Variants in PDE7B observed in about 807,000 individuals in gnomAD.
PDE7B encodes the protein 3',5'-cyclic-AMP phosphodiesterase 7B.
In PDE7B, 29 loss-of-function variants were observed where a neutral mutation model predicts 56.2. The ratio of observed to expected loss-of-function variants is 0.52; its 90% CI spans 0.38 to 0.70. The LOEUF (loss-of-function observed/expected upper bound fraction) is 0.70. PDE7B is among the 30% of genes least tolerant of loss of function. The probability of loss-of-function intolerance (pLI) is 0.00; values close to 1 mark genes in which losing one functional copy is unlikely to be tolerated. For missense variants in PDE7B, 490 were observed against 565.0 expected (o/e 0.87, Z 1.35); for synonymous variants, 197 against 196.9 (o/e 1.00, Z 0.00).
intron 2 of PDE7B, among the ~76,000 whole-genome samples, chr6:136,023,080 T>C (rs1361823871): frequency 6.6e-6 from 1 of 152,170 alleles, no homozygotes; most frequent in East Asian, 1.9e-4. Context: ...TATTTGTTAG[T>C]GCAGTTCCAC....
At chr6:136,024,866 A>G (rs901591895) in intron 2 of PDE7B, among the ~76,000 whole-genome samples, 3 of 152,214 alleles carry the variant, frequency 2.0e-5, no homozygotes, top group South Asian at 4.1e-4. Context: ...GGTTTGACCA[A>G]CAGGTTAGAG....
intron 2 of PDE7B, among the ~76,000 whole-genome samples, chr6:135,971,951 T>A (rs969746854): frequency 1.3e-5 from 2 of 152,148 alleles, no homozygotes; most frequent in African/African-American, 4.8e-5. Flanking sequence ...TAAACAGGGA[T>A]GTGCCGGGCA....
chr6:136,175,614 C>T (rs534383422), intron 9 of PDE7B, among the ~76,000 whole-genome samples: 42 of 151,982 alleles, frequency 2.8e-4, no homozygotes, highest in Admixed American at 8.5e-4. Flanking sequence ...TTACAGTTTA[C>T]GTCCTGAAAT....
intron 2 of PDE7B, among the ~76,000 whole-genome samples, chr6:136,081,328 G>T (rs1451844881): frequency 3.3e-5 from 5 of 152,142 alleles, no homozygotes; most frequent in Admixed American, 2.6e-4. Context: ...CCAATGAGAG[G>T]AATCCAATAA....
chr6:136,139,668 G>A (rs1778282870), intron 3 of PDE7B, among the ~76,000 whole-genome samples: 1 of 152,176 alleles, frequency 6.6e-6, no homozygotes, highest in Non-Finnish European at 1.5e-5. Flanking sequence ...CATTCTAACT[G>A]GTGTGAGATG....
At chr6:135,963,462 C>A (rs867506540) in intron 2 of PDE7B, among the ~76,000 whole-genome samples, 1 of 152,118 alleles carries the variant, frequency 6.6e-6, no homozygotes, top group Non-Finnish European at 1.5e-5. Context: ...ATGTCTGCCT[C>A]AAATATATGA....
chr6:135,928,449 T>TTATTTATATATATATA (rs1774229073), intron 1 of PDE7B, among the ~76,000 whole-genome samples: 1 of 87,934 alleles, frequency 1.1e-5, no homozygotes, highest in African/African-American at 4.1e-5. Context: ...ATATATATAT[T>TTATTTATATATATATA]TATTTATATA....
intron 2 of PDE7B, among the ~76,000 whole-genome samples, chr6:136,045,122 T>G (rs865940535): frequency 5.3e-4 from 81 of 152,182 alleles, no homozygotes; most frequent in African/African-American, 1.9e-3. Flanking sequence ...TTTTTTCCAC[T>G]CTTTAATTTT....
intron 2 of PDE7B, among the ~76,000 whole-genome samples, chr6:135,998,939 A>G (rs1775616124): frequency 6.6e-6 from 1 of 152,088 alleles, no homozygotes; most frequent in African/African-American, 2.4e-5. Context: ...CAAATTTACT[A>G]CAAGGGAGAA....
At chr6:136,163,251 T>C (rs1399453149) in intron 8 of PDE7B, among the ~76,000 whole-genome samples, 1 of 152,158 alleles carries the variant, frequency 6.6e-6, no homozygotes, top group African/African-American at 2.4e-5. Context: ...TAGGTGGAGG[T>C]TCTCAAACCT....
At chr6:135,889,641 T>A (rs1187806269) in intron 1 of PDE7B, among the ~76,000 whole-genome samples, 12 of 126,672 alleles carry the variant, frequency 9.5e-5, no homozygotes, top group East Asian at 2.3e-4. Context: ...GGGTTTTGCC[T>A]TGTTGGTCAG....
intron 2 of PDE7B, among the ~76,000 whole-genome samples, chr6:135,968,884 C>T (rs1775044373): frequency 6.6e-6 from 1 of 152,094 alleles, no homozygotes; most frequent in Non-Finnish European, 1.5e-5. Flanking sequence ...ATGAAATCAA[C>T]CCAAATGTCA....
chr6:135,934,942 ATATATATTTATATATAATAT>A, intron 1 of PDE7B, among the ~76,000 whole-genome samples: 1 of 48,432 alleles, frequency 2.1e-5, no homozygotes, highest in Non-Finnish European at 4.0e-5. Context: ...TAAATATATA[ATATATATTTATATATAATAT>A]ATATATTTCT....
At chr6:136,089,445 G>A (rs185139385) in intron 2 of PDE7B, among the ~76,000 whole-genome samples, 1 of 152,186 alleles carries the variant, frequency 6.6e-6, no homozygotes, top group Non-Finnish European at 1.5e-5. Context: ...CTGCAATTTG[G>A]TCCATTTCTC....
chr6:136,153,475 CTTACA>C (rs1778558152), intron 6 of PDE7B, among the ~76,000 whole-genome samples: 2 of 152,164 alleles, frequency 1.3e-5, no homozygotes, highest in Admixed American at 1.3e-4. Context: ...TACTCTAAGC[CTTACA>C]TTAGACTGCA....
At chr6:136,083,326 G>A (rs1777235793) in intron 2 of PDE7B, among the ~76,000 whole-genome samples, 2 of 152,256 alleles carry the variant, frequency 1.3e-5, no homozygotes, top group Non-Finnish European at 2.9e-5. Context: ...GGTATTCCTG[G>A]AACATAGTAT....
In PDE7B at chr6:136,121,880, G is replaced by C. The variant is rs1777940032; in HGVS notation, c.166+13066G>C. 2.0e-5 allele frequency among the ~76,000 whole-genome samples: 3 copies of C among 152,154 alleles called. No individual in the cohort carries two copies. The South Asian group carries it at 6.2e-4, about 32-fold the overall frequency. Reference sequence around the variant, plus strand: ...TGCGGTGAATGTGTAGTGCTGAAAGGGTATTGCATAGTTGGAGGGACGGTA... The same window carrying C: ...TGCGGTGAATGTGTAGTGCTGAAAGCGTATTGCATAGTTGGAGGGACGGTA... On this transcript the variant is annotated intron_variant, in intron 3 of 12. Transcript: ENST00000308191.
intron 3 of PDE7B, among the ~76,000 whole-genome samples, chr6:136,145,355 AT>A (rs970952044): frequency 8.5e-5 from 13 of 152,148 alleles, no homozygotes; most frequent in African/African-American, 3.1e-4. Flanking sequence ...TGATTCCATC[AT>A]TTTTTGAGCT....
intron 2 of PDE7B, among the ~76,000 whole-genome samples, chr6:136,010,824 T>C (rs1775879288): frequency 6.6e-6 from 1 of 152,090 alleles, no homozygotes; most frequent in Non-Finnish European, 1.5e-5. Context: ...AAAAGAACCA[T>C]AGTCCTGGTT....
Sources: gnomAD v4.1 joint callset for allele counts (sites outside exome capture counted in the v4.1 genomes callset) on GRCh38, gnomAD v4.1.1 for gene constraint, MANE v1.5 for transcripts, NCBI Gene and HGNC (gene_info 2026-07-23, HGNC 2026-07-21) for gene names.